The following PEX7 variants were observed in gnomAD, a reference collection of about 807,000 sequenced individuals.
PEX7 encodes peroxisomal biogenesis factor 7.
PEX7 carries 34 observed loss-of-function variants against 47.5 expected under a neutral mutation model. The observed-to-expected ratio is 0.72, with a 90% CI of 0.54 to 0.95. The LOEUF is 0.95. PEX7 is among the 40% of genes least tolerant of loss of function. PEX7 has a pLI of 0.00. For missense variants in PEX7, 394 were observed against 400.3 expected, an observed-to-expected ratio of 0.98 and a Z score of 0.13; for synonymous variants, 141 against 148.8, an observed-to-expected ratio of 0.95 and a Z score of 0.38.
At chr6:136,911,297 C>CGGAA (rs561082462) in intron 9 of PEX7, among the ~76,000 whole-genome samples, 24 of 152,176 alleles carry the variant, frequency 1.6e-4, no homozygotes, top group Non-Finnish European at 2.6e-4. Context: ...GTGAGCTTCA[C>CGGAA]CCGTGGTACT....
intron 3 of PEX7, among the ~76,000 whole-genome samples, chr6:136,831,713 A>G (rs967454734): frequency 1.3e-5 from 2 of 152,252 alleles, no homozygotes; most frequent in African/African-American, 4.8e-5. Context: ...TGGCCAAAAC[A>G]AAGGGGCCAC....
chr6:136,828,641 C>T (rs780680733), intron 3 of PEX7, among the ~76,000 whole-genome samples: 1 of 152,226 alleles, frequency 6.6e-6, no homozygotes, highest in Admixed American at 6.5e-5. Context: ...TTTCATCCTT[C>T]TGATAGCCTC....
chr6:136,884,021 C>T (rs1439101079), intron 8 of PEX7, among the ~76,000 whole-genome samples: 1 of 152,124 alleles, frequency 6.6e-6, no homozygotes, highest in Non-Finnish European at 1.5e-5. Flanking sequence ...CTAGTGATTG[C>T]ATATTCCAAT....
chr6:136,839,293 A>C (rs1280291613), intron 3 of PEX7, among the ~76,000 whole-genome samples: 2 of 152,226 alleles, frequency 1.3e-5, no homozygotes, highest in Non-Finnish European at 2.9e-5. Flanking sequence ...GTATTCATAC[A>C]GATAATAATA....
At chr6:136,908,285 T>A (rs1775876123) in intron 9 of PEX7, among the ~76,000 whole-genome samples, 1 of 152,196 alleles carries the variant, frequency 6.6e-6, no homozygotes, top group Non-Finnish European at 1.5e-5. Context: ...TGTATTAAAG[T>A]GAAAATGAAA....
chr6:136,900,580 G>A lies in PEX7; in HGVS notation c.903+2339G>A. ...GTTAATCTGTGTGAAGGTGATGGTGGTGTGGGTCATCCTGTGAACCAGTCT... is the reference window on the plus strand; with the variant it reads ...GTTAATCTGTGTGAAGGTGATGGTGATGTGGGTCATCCTGTGAACCAGTCT... On this transcript the variant is annotated intron_variant, in intron 9 of 9. Transcript: ENST00000318471. This position sits in a 1 kb window ranked among gnomAD's most constrained non-coding sequence, Gnocchi z 4.2. 1.5e-5 allele frequency: 6 copies of A among 393,606 alleles called. No individual in the cohort carries two copies. The highest frequency in any genetic ancestry group is 2.5e-5 in the Non-Finnish European group (5 of 200,808). The allele number at this position is 393,606 out of a possible 1,614,324, so 24.4% of individuals were successfully genotyped here.
intron 3 of PEX7, 37 bp downstream of exon 3, chr6:136,826,506 T>G (rs1158974680): frequency 2.5e-6 from 4 of 1,613,284 alleles, no homozygotes; most frequent in Admixed American, 3.3e-5. Context: ...TTATTTTTCT[T>G]TCTTCGACTT....
chr6:136,903,844 T>G (rs9654642), intron 9 of PEX7, among the ~76,000 whole-genome samples: 1 of 149,232 alleles, frequency 6.7e-6, no homozygotes. Context: ...TTTTTTTTTT[T>G]AATTTTTTGT....
chr6:136,892,190 T>C (rs1775567635), intron 8 of PEX7, among the ~76,000 whole-genome samples: 2 of 152,178 alleles, frequency 1.3e-5, no homozygotes, highest in African/African-American at 4.8e-5. Flanking sequence ...GCTCATAATT[T>C]CCTTAGGATT....
chr6:136,861,059 T>C (rs767943865), intron 5 of PEX7, among the ~76,000 whole-genome samples: 3 of 152,220 alleles, frequency 2.0e-5, no homozygotes, highest in Non-Finnish European at 4.4e-5. Context: ...TCTGCATTCA[T>C]TGTAATGTTT....
At chr6:136,889,027 G>T (rs1775513713) in intron 8 of PEX7, among the ~76,000 whole-genome samples, 1 of 152,040 alleles carries the variant, frequency 6.6e-6, no homozygotes, top group South Asian at 2.1e-4. Flanking sequence ...TACAAATCAA[G>T]TGTAATATGC....
At chr6:136,875,591 ATG>A (rs1775257182) in intron 8 of PEX7, among the ~76,000 whole-genome samples, 3 of 152,230 alleles carry the variant, frequency 2.0e-5, no homozygotes, top group African/African-American at 7.2e-5. Context: ...GTTTTTGTGA[ATG>A]TTTCATTTGC....
intron 9 of PEX7, among the ~76,000 whole-genome samples, chr6:136,910,020 T>C (rs770920099): frequency 2.0e-5 from 3 of 152,232 alleles, no homozygotes; most frequent in Non-Finnish European, 4.4e-5. Flanking sequence ...CTTTGTGTCC[T>C]ATGGTATAAA....
At position 136,866,674 on chromosome 6, in the gene PEX7, A is replaced by G; in HGVS notation, c.574A>G (p.Ile192Val). Residue 192 changes from isoleucine to valine, a missense_variant, in exon 6 of 10, where the codon ATC becomes GTC. Physicochemically the swap from Ile to Val is conservative, Grantham distance 29 (BLOSUM62 3). Transcript: ENST00000318471. Reference protein sequence around the residue: ...IWDVKAAGVRIVIPAHQAEIL... With the variant: ...IWDVKAAGVRVVIPAHQAEIL... ...GGATGTGAAGGCAGCAGGAGTAAGA[A>G]TCGTGATTCCTGCACATCAGGCAGA... 1 of 1,614,106 alleles carries G rather than the reference A, an allele frequency of 6.2e-7. No individual in the cohort carries two copies. The highest frequency in any genetic ancestry group is 8.5e-7 in the Non-Finnish European group (1 of 1,179,970).
rs1048865363 is a variant in PEX7 at position 136,913,857 on chromosome 6, T to C, written c.*331T>C. The C allele has an allele frequency of 4.1e-6, 1 of 241,836 alleles. No individual in the cohort carries two copies. The highest frequency in any genetic ancestry group is 2.3e-5 in the African/African-American group (1 of 43,434). The allele number at this position is 241,836 out of a possible 1,614,324, so 15.0% of individuals were successfully genotyped here. The stretch of plus-strand genomic sequence containing the variant: ...TTATATAGATAGTGATATATTTCAT[T>C]TTTAATTTGTCATTTTTGATGTAAA... On this transcript the variant is annotated 3_prime_UTR_variant, in exon 10 of 10. Transcript: ENST00000318471.
intron 8 of PEX7, among the ~76,000 whole-genome samples, chr6:136,895,309 A>G (rs1357543827): frequency 6.6e-6 from 1 of 152,186 alleles, no homozygotes; most frequent in Admixed American, 6.5e-5. Context: ...ATATTGACAT[A>G]CCGTTTAGCA....
intron 3 of PEX7, among the ~76,000 whole-genome samples, chr6:136,838,635 T>A (rs1394162297): frequency 6.6e-6 from 1 of 152,172 alleles, no homozygotes; most frequent in Non-Finnish European, 1.5e-5. Context: ...TTAATCTTGT[T>A]GGGGTGAAAT....
intron 8 of PEX7, among the ~76,000 whole-genome samples, chr6:136,889,700 A>T (rs959376408): frequency 6.6e-6 from 1 of 152,244 alleles, no homozygotes; most frequent in African/African-American, 2.4e-5. Context: ...TTTTCGTAGT[A>T]GGAAGTCAAA....
intron 3 of PEX7, among the ~76,000 whole-genome samples, chr6:136,835,379 C>T (rs1266127081): frequency 6.6e-6 from 1 of 151,970 alleles, no homozygotes; most frequent in African/African-American, 2.4e-5. Flanking sequence ...ACTTCCACCT[C>T]CCGGGTTCAA....
Sources: allele counts gnomAD v4.1 joint callset (sites outside exome capture counted in the v4.1 genomes callset), GRCh38; gene constraint gnomAD v4.1.1; non-coding constraint Gnocchi (gnomAD v3.1); transcripts MANE v1.5; gene names NCBI Gene and HGNC (gene_info 2026-07-23, HGNC 2026-07-21).